The following PCDHGB7 variants were observed in gnomAD, a reference collection of about 807,000 sequenced individuals.
PCDHGB7 encodes the protein protocadherin gamma-B7.
PCDHGB7 carries 37 observed loss-of-function variants against 61.4 expected under a neutral mutation model. That is an observed-to-expected ratio of 0.60 (90% CI 0.46 to 0.79). The LOEUF is 0.79. PCDHGB7 is among the 30% of genes least tolerant of loss of function. The pLI is 0.00. For missense variants in PCDHGB7, 1,166 were observed against 1,202.5 expected (o/e 0.97, Z 0.45); for synonymous variants, 464 against 503.5 (o/e 0.92, Z 1.05).
chr5:141,451,256 A>T (rs376288655), intron 1 of PCDHGB7, among the ~76,000 whole-genome samples: 1 of 152,212 alleles, frequency 6.6e-6, no homozygotes, highest in African/African-American at 2.4e-5. Context: ...GTGGATCAGG[A>T]CTGGGTATAG....
At position 141,476,669 on chromosome 5, in the gene PCDHGB7, C is replaced by G; in HGVS notation, c.2416-18138C>G. ...AAATGAATACTTTGCGCTTCGCGTGCAGACGCGGGAGGACAGCACCAAGTA... is the reference window on the plus strand; with the variant it reads ...AAATGAATACTTTGCGCTTCGCGTGGAGACGCGGGAGGACAGCACCAAGTA... On this transcript the variant is annotated intron_variant, in intron 1 of 3. Coordinates refer to ENST00000398594, the MANE Select transcript of PCDHGB7 (RefSeq NM_018927.4). This position sits in a 1 kb window ranked among gnomAD's most constrained non-coding sequence, Gnocchi z 7.6. 6.2e-7 allele frequency: 1 copy of G among 1,614,246 alleles called. No individual in the cohort carries two copies. The highest frequency in any genetic ancestry group is 1.1e-5 in the South Asian group (1 of 91,086).
At chr5:141,481,732 T>G (rs549671056) in intron 1 of PCDHGB7, among the ~76,000 whole-genome samples, 33 of 151,884 alleles carry the variant, frequency 2.2e-4, no homozygotes, top group Non-Finnish European at 4.3e-4. Context: ...GGCGGGCGGA[T>G]CACGAGGTCA....
At chr5:141,455,041 T>C (rs971722465) in intron 1 of PCDHGB7, among the ~76,000 whole-genome samples, 2 of 151,234 alleles carry the variant, frequency 1.3e-5, no homozygotes, top group Non-Finnish European at 2.9e-5. Flanking sequence ...CTCGATCTCC[T>C]GACCTCGTGA....
chr5:141,444,722 C>T (rs72790051), intron 1 of PCDHGB7, among the ~76,000 whole-genome samples: 3,290 of 152,024 alleles, frequency 0.022, 51 homozygotes, highest in South Asian at 0.038. Flanking sequence ...TGCTTGGTGC[C>T]TTTGTTGAAA....
chr5:141,505,704 G>A (rs770933428), intron 3 of PCDHGB7, among the ~76,000 whole-genome samples: 1 of 152,184 alleles, frequency 6.6e-6, no homozygotes, highest in Non-Finnish European at 1.5e-5. Context: ...GAGCGAACAA[G>A]GAAAAGACTC....
Position 141,485,609 on chromosome 5 carries a change from G to C in PCDHGB7, c.2416-9198G>C, listed in dbSNP as rs1432367043. On this transcript the variant is annotated intron_variant, in intron 1 of 3. Coordinates refer to ENST00000398594, the MANE Select transcript of PCDHGB7 (RefSeq NM_018927.4). The surrounding 1 kb of genome is among the most constrained non-coding windows in gnomAD (Gnocchi z 5.7). ...GCTGGACTTGGAAATTGGGGAGGCA[G>C]CTCCTCCAGGACAGCGTTTCCCGTT... The C allele has an allele frequency of 1.2e-6, 2 of 1,612,138 alleles. No homozygotes were observed. Among genetic ancestry groups the C allele is most frequent in the Non-Finnish European group, 1.7e-6 (2 of 1,178,664 alleles).
chr5:141,442,796 T>G (rs909745554), intron 1 of PCDHGB7, among the ~76,000 whole-genome samples: 16 of 152,326 alleles, frequency 1.1e-4, no homozygotes, highest in African/African-American at 3.8e-4. Context: ...AATTTTACTT[T>G]GATATTCAAA....
intron 1 of PCDHGB7, among the ~76,000 whole-genome samples, chr5:141,425,605 A>G (rs1229246680): frequency 6.6e-6 from 1 of 152,230 alleles, no homozygotes; most frequent in Non-Finnish European, 1.5e-5. Context: ...TGCCCTATAT[A>G]GCTTTCAGTG....
chr5:141,421,359 C>A (rs2096566292), intron 1 of PCDHGB7: 6 of 1,614,012 alleles, frequency 3.7e-6, no homozygotes, highest in Non-Finnish European at 5.1e-6. Context: ...AAAAGGGCTC[C>A]TTCGTGGGCA....
At chr5:141,452,887 C>T (rs1000136303) in intron 1 of PCDHGB7, among the ~76,000 whole-genome samples, 1 of 152,174 alleles carries the variant, frequency 6.6e-6, no homozygotes, top group Non-Finnish European at 1.5e-5. Flanking sequence ...ATAATTTATT[C>T]CACTTTTATT....
intron 3 of PCDHGB7, among the ~76,000 whole-genome samples, chr5:141,508,943 CAG>C (rs1562237475): frequency 1.3e-5 from 2 of 151,982 alleles, no homozygotes; most frequent in Admixed American, 6.6e-5. Context: ...TTAGGGAAAA[CAG>C]AGAAATGTCA....
intron 1 of PCDHGB7, among the ~76,000 whole-genome samples, chr5:141,447,135 G>GT (rs905717632): frequency 9.9e-5 from 15 of 151,698 alleles, no homozygotes; most frequent in African/African-American, 3.4e-4. Flanking sequence ...TTGTTTGTTT[G>GT]TTTTTTGTTT....
rs1387152450 is a variant in PCDHGB7 at position 141,487,754 on chromosome 5, G to A, written c.2416-7053G>A. The A allele has an allele frequency of 1.3e-6, 2 of 1,552,036 alleles. No individual in the cohort carries two copies. Among genetic ancestry groups the A allele is most frequent in the Admixed American group, 3.9e-5 (2 of 50,970 alleles). ...CATTTTTGTAAGAGGTAACTATGTG[G>A]TAGACGCTGTGCTTTGTAACTGTTT... On this transcript the variant is annotated intron_variant, in intron 1 of 3. Transcript: ENST00000398594. This position sits in a 1 kb window ranked among gnomAD's most constrained non-coding sequence, Gnocchi z 5.0.
At chr5:141,500,721 ATG>A (rs1209024560) in intron 2 of PCDHGB7, among the ~76,000 whole-genome samples, 1 of 152,088 alleles carries the variant, frequency 6.6e-6, no homozygotes, top group African/African-American at 2.4e-5. Context: ...GAATTTCCCC[ATG>A]TCTTTCAAAA....
chr5:141,500,467 C>T lies in PCDHGB7; in HGVS notation c.2475-4926C>T, dbSNP rs368360639. 6.6e-5 allele frequency among the ~76,000 whole-genome samples: 10 copies of T among 152,262 alleles called. No homozygotes were observed. In the South Asian group the frequency reaches 2.1e-3, roughly 32 times the overall value. ...CTCGTGATCCGCCCGCCTCGGCCTC[C>T]CAAAGTGCTGGGATTACAGGCGTGA... is the stretch of plus-strand genomic sequence containing the variant. On this transcript the variant is annotated intron_variant, in intron 2 of 3. Coordinates refer to ENST00000398594, the MANE Select transcript of PCDHGB7 (RefSeq NM_018927.4).
chr5:141,482,998 T>C (rs1458221945), intron 1 of PCDHGB7, among the ~76,000 whole-genome samples: 1 of 152,008 alleles, frequency 6.6e-6, no homozygotes, highest in Non-Finnish European at 1.5e-5. Flanking sequence ...GGCAGGAGAA[T>C]TGCTTGAACC....
At position 141,431,823 on chromosome 5, in the gene PCDHGB7, CG is replaced by C. The variant is rs754257436; in HGVS notation, c.2415+11551del. ...GTGGTCCTCACCTCTCTCGCCAGCTCGGTTCCCGAAAACTCTCCCAGAGGGA... is the reference window on the plus strand; with the variant it reads ...GTGGTCCTCACCTCTCTCGCCAGCTCGTTCCCGAAAACTCTCCCAGAGGGA... On this transcript the variant is annotated intron_variant, in intron 1 of 3. Transcript: ENST00000398594. The surrounding 1 kb of genome is among the most constrained non-coding windows in gnomAD (Gnocchi z 4.8). 2.5e-6 allele frequency: 4 copies of C among 1,614,142 alleles called. No homozygotes were observed. In the East Asian group the frequency reaches 8.9e-5, roughly 36 times the overall value.
chr5:141,422,807 G>C (rs199507728), intron 1 of PCDHGB7: 7 of 1,614,198 alleles, frequency 4.3e-6, no homozygotes, highest in Non-Finnish European at 5.9e-6. Context: ...GAGCAGTTTC[G>C]AGACTTAGAA....
intron 1 of PCDHGB7, among the ~76,000 whole-genome samples, chr5:141,475,097 T>C (rs180692931): frequency 6.6e-6 from 1 of 152,370 alleles, no homozygotes; most frequent in East Asian, 1.9e-4. Context: ...TTTATAAAGA[T>C]CCTAGGTGGT....
Sources: allele counts gnomAD v4.1 joint callset (sites outside exome capture counted in the v4.1 genomes callset), GRCh38; gene constraint gnomAD v4.1.1; non-coding constraint Gnocchi (gnomAD v3.1); transcripts MANE v1.5; gene names NCBI Gene and HGNC (gene_info 2026-07-23, HGNC 2026-07-21).